Variants in FOXK2 observed in about 807,000 individuals in gnomAD.
FOXK2 encodes forkhead box protein K2.
A neutral mutation model predicts 53.3 loss-of-function variants in FOXK2; 24 were observed. The observed-to-expected ratio is 0.45, with a 90% CI of 0.33 to 0.63. FOXK2 has a LOEUF of 0.63. FOXK2 is among the 30% of genes least tolerant of loss of function. The pLI, the probability that FOXK2 is intolerant of heterozygous loss-of-function variation, is 0.03. For missense variants in FOXK2, 952 were observed against 910.5 expected (o/e 1.05, Z -0.59); for synonymous variants, 505 against 407.1 (o/e 1.24, Z -2.89).
At chr17:82,559,296 T>C in intron 1 of FOXK2, 1 of 446,896 alleles carries the variant, frequency 2.2e-6, no homozygotes, top group Non-Finnish European at 4.5e-6. Flanking sequence ...TGGTGCTCGC[T>C]GTTCTTCCCA....
intron 2 of FOXK2, among the ~76,000 whole-genome samples, chr17:82,567,133 G>T (rs2044860784): frequency 6.6e-6 from 1 of 151,856 alleles, no homozygotes; most frequent in African/African-American, 2.4e-5. Flanking sequence ...CATCTCCCTG[G>T]CCCTCCTTTT....
chr17:82,546,420 G>A (rs934213747), intron 1 of FOXK2, among the ~76,000 whole-genome samples: 1 of 151,956 alleles, frequency 6.6e-6, no homozygotes, highest in Non-Finnish European at 1.5e-5. Context: ...CCCAGCCAGC[G>A]TGGTATATTA....
chr17:82,521,230 T>C (rs1469050979), intron 1 of FOXK2, among the ~76,000 whole-genome samples: 2 of 152,192 alleles, frequency 1.3e-5, no homozygotes, highest in African/African-American at 4.8e-5. Context: ...TGGAGTGTAG[T>C]GGCGCGATCT....
At chr17:82,520,329 C>T in intron 1 of FOXK2, 22 bp downstream of exon 1, 1 of 367,328 alleles carries the variant, frequency 2.7e-6, no homozygotes, top group Non-Finnish European at 4.9e-6. Flanking sequence ...CGGGGCGGGG[C>T]GGGCGGGGTC....
At chr17:82,544,692 T>C (rs2044606298) in intron 1 of FOXK2, among the ~76,000 whole-genome samples, 1 of 152,192 alleles carries the variant, frequency 6.6e-6, no homozygotes, top group African/African-American at 2.4e-5. Flanking sequence ...GGAGCTTTTT[T>C]GCTTTCTGGA....
intron 4 of FOXK2, among the ~76,000 whole-genome samples, chr17:82,580,973 T>C (rs952483156): frequency 6.6e-6 from 1 of 152,242 alleles, no homozygotes; most frequent in Non-Finnish European, 1.5e-5. Flanking sequence ...CCAGAGGCAT[T>C]AGGATGGCAC....
chr17:82,533,928 G>A (rs1245634576), intron 1 of FOXK2, among the ~76,000 whole-genome samples: 1 of 151,330 alleles, frequency 6.6e-6, no homozygotes, highest in Non-Finnish European at 1.5e-5. Flanking sequence ...GGGCCCAAGA[G>A]GTGGAGGCTA....
intron 1 of FOXK2, among the ~76,000 whole-genome samples, chr17:82,533,901 A>G (rs2044496091): frequency 2.0e-5 from 3 of 151,770 alleles, no homozygotes; most frequent in Admixed American, 2.0e-4. Flanking sequence ...CGTGAGACTG[A>G]GGTTGGAGGA....
At position 82,539,278 on chromosome 17, in the gene FOXK2, C is replaced by T. The variant is rs12942866; in HGVS notation, c.419+18971C>T. Among the ~76,000 whole-genome samples the T allele has an allele frequency of 6.0e-5, 8 of 132,278 alleles. No individual in the cohort carries two copies. In the South Asian group the frequency reaches 8.0e-4, roughly 13 times the overall value. The allele number at this position is 132,278 out of a possible 152,430, so 86.8% of individuals were successfully genotyped here. A position where few individuals can be genotyped will look rare whatever the true frequency, so the allele number is the denominator to read the frequency against. The stretch of plus-strand genomic sequence containing the variant: ...CCTAATCTCAGCACTGTAAGGTGGC[C>T]GGGCGTGGTGGCTCAGGCCCGTAAT... On this transcript the variant is annotated intron_variant, in intron 1 of 8. Transcript: ENST00000335255.
At chr17:82,581,481 T>TG (rs2045058874) in intron 4 of FOXK2, among the ~76,000 whole-genome samples, 1 of 148,674 alleles carries the variant, frequency 6.7e-6, no homozygotes. Context: ...TGTGTGGGTT[T>TG]TTTTTTTTTT....
At position 82,519,736 on chromosome 17, in the gene FOXK2, C is replaced by G. The variant is rs1251940542; in HGVS notation, c.-153C>G. The stretch of plus-strand genomic sequence containing the variant: ...GGCGCGGCCGCGCGTGCTCCCGCCC[C>G]TCGCCGCCGCTCGCTCGCTCGCCGG... On this transcript the variant is annotated 5_prime_UTR_variant, in exon 1 of 9. Transcript: ENST00000335255. 5.9e-6 allele frequency: 1 copy of G among 169,680 alleles called. No individual in the cohort carries two copies. The highest frequency in any genetic ancestry group is 1.1e-5 in the Non-Finnish European group (1 of 87,194). The allele number at this position is 169,680 out of a possible 1,614,324, so 10.5% of individuals were successfully genotyped here. A position where few individuals can be genotyped will look rare whatever the true frequency, so the allele number is the denominator to read the frequency against.
At chr17:82,575,599 C>T (rs919372500) in intron 4 of FOXK2, among the ~76,000 whole-genome samples, 2 of 152,152 alleles carry the variant, frequency 1.3e-5, no homozygotes, top group African/African-American at 4.8e-5. Flanking sequence ...AGTGGGACTA[C>T]ATCAGGAGCA....
intron 1 of FOXK2, among the ~76,000 whole-genome samples, chr17:82,536,307 T>C (rs578153300): frequency 1.3e-5 from 2 of 152,236 alleles, no homozygotes; most frequent in Non-Finnish European, 2.9e-5. Context: ...AGTCATACTT[T>C]CCTGTTTCTT....
At chr17:82,587,683 G>T in intron 8 of FOXK2, 1 of 292,688 alleles carries the variant, frequency 3.4e-6, no homozygotes, top group South Asian at 3.5e-5. Context: ...TGCTCTCAGA[G>T]TCCGTCCGAG....
chr17:82,529,675 G>T (rs1490672048), intron 1 of FOXK2, among the ~76,000 whole-genome samples: 4 of 152,116 alleles, frequency 2.6e-5, no homozygotes, highest in African/African-American at 9.7e-5. Context: ...CGTGAGCCAT[G>T]GCGCCCCACC....
rs188648613 is a variant in FOXK2 at position 82,552,749 on chromosome 17, T to C, written c.420-10605T>C. Among the ~76,000 whole-genome samples the C allele has an allele frequency of 1.3e-3, 194 of 152,230 alleles. 1 individual carries two copies. The highest frequency in any genetic ancestry group is 4.4e-3 in the African/African-American group (184 of 41,536). On this transcript the variant is annotated intron_variant, in intron 1 of 8. Transcript: ENST00000335255. ...CGTTTTGTGCCGTGGACAATGATGCTGGCTGTGAGCACTTGGCTGAGGTGG... is the reference window on the plus strand; with the variant it reads ...CGTTTTGTGCCGTGGACAATGATGCCGGCTGTGAGCACTTGGCTGAGGTGG...
intron 1 of FOXK2, among the ~76,000 whole-genome samples, chr17:82,531,292 A>G (rs563835154): frequency 2.6e-5 from 4 of 152,312 alleles, no homozygotes; most frequent in African/African-American, 7.2e-5. Context: ...TTGGGTGACT[A>G]CTGTACCATA....
At chr17:82,537,869 C>T (rs1191605878) in intron 1 of FOXK2, among the ~76,000 whole-genome samples, 2 of 148,234 alleles carry the variant, frequency 1.3e-5, no homozygotes, top group African/African-American at 2.5e-5. Flanking sequence ...TTATAGTGAG[C>T]TGAGATTGCA....
At position 82,571,719 on chromosome 17, in the gene FOXK2, T is replaced by C; in HGVS notation, c.763-5T>C. On this transcript the variant is annotated splice_region_variant and splice_polypyrimidine_tract_variant and intron_variant, in intron 3 of 8. Coordinates refer to ENST00000335255, the MANE Select transcript of FOXK2 (RefSeq NM_004514.4). ...ATTCGTTTTGTGTTTGTTTTTTAAA[T>C]ACAGGATGATTCAAAGCCGCCTTAC... 1 of 1,522,448 alleles carries C rather than the reference T, an allele frequency of 6.6e-7. No individual in the cohort carries two copies. The highest frequency in any genetic ancestry group is 8.8e-7 in the Non-Finnish European group (1 of 1,139,776). 94.3% of individuals were successfully genotyped at this position (1,522,448 alleles called of 1,614,324 possible). A position where few individuals can be genotyped will look rare whatever the true frequency, so the allele number is the denominator to read the frequency against.
Sources: allele counts gnomAD v4.1 joint callset (sites outside exome capture counted in the v4.1 genomes callset), GRCh38; gene constraint gnomAD v4.1.1; transcripts MANE v1.5; gene names NCBI Gene and HGNC (gene_info 2026-07-23, HGNC 2026-07-21).